The following PAM variants were observed in gnomAD, a reference collection of about 807,000 sequenced individuals.
PAM encodes peptidylglycine alpha-amidating monooxygenase.
A neutral mutation model predicts 122.1 loss-of-function variants in PAM; 72 were observed. The ratio of observed to expected loss-of-function variants is 0.59; its 90% confidence interval spans 0.49 to 0.72. The LOEUF is 0.72. Among genes scored for constraint, PAM ranks in the 30% least tolerant of loss-of-function variants. The pLI is 0.00. For synonymous variants in PAM, 389 were observed against 404.4 expected (o/e 0.96, Z 0.46); for missense variants, 1,106 against 1,183.7 (o/e 0.93, Z 0.96).
At chr5:103,010,332 C>G (rs1344349828) in intron 21 of PAM, among the ~76,000 whole-genome samples, 1 of 152,116 alleles carries the variant, frequency 6.6e-6, no homozygotes, top group Non-Finnish European at 1.5e-5. Flanking sequence ...ATAGCACTTC[C>G]TGGAATTTAT....
intron 3 of PAM, among the ~76,000 whole-genome samples, chr5:102,899,007 T>A (rs560226122): frequency 2.2e-4 from 34 of 151,636 alleles, no homozygotes; most frequent in Admixed American, 1.9e-3. Context: ...TCTAATTGTG[T>A]ATGATACTTG....
chr5:102,830,867 T>C (rs1025317629), intron 1 of PAM, among the ~76,000 whole-genome samples: 8 of 148,168 alleles, frequency 5.4e-5, no homozygotes, highest in Non-Finnish European at 1.0e-4. Context: ...ATTAGACTTC[T>C]GACTCTGTAT....
In PAM at chr5:103,022,468, A is replaced by C. The variant is rs80304381; in HGVS notation, c.2485+2625A>C. ...GATTTGTACATACATGTATATGTGCACTCACACAGGAATGTAGCTAACCTC... is the reference window on the plus strand; with the variant it reads ...GATTTGTACATACATGTATATGTGCCCTCACACAGGAATGTAGCTAACCTC... On this transcript the variant is annotated intron_variant, in intron 23 of 25. Coordinates refer to ENST00000438793, the MANE Select transcript of PAM (RefSeq NM_001177306.2). Among the ~76,000 whole-genome samples, 4 of 152,088 alleles carry C rather than the reference A, an allele frequency of 2.6e-5. 1 individual carries two copies. Among genetic ancestry groups the C allele is most frequent in the Non-Finnish European group, 5.9e-5 (4 of 68,008 alleles).
chr5:103,024,527 A>G (rs980658064), intron 23 of PAM, among the ~76,000 whole-genome samples: 1 of 152,190 alleles, frequency 6.6e-6, no homozygotes, highest in African/African-American at 2.4e-5. Context: ...TCCTAGCATT[A>G]ATGTGTGCAG....
At chr5:102,839,200 AAAGTTTATATTC>A (rs1777888322) in intron 1 of PAM, among the ~76,000 whole-genome samples, 2 of 152,180 alleles carry the variant, frequency 1.3e-5, no homozygotes, top group Admixed American at 1.3e-4. Context: ...AGGTATTTTC[AAAGTTTATATTC>A]AAGGATTCCA....
At chr5:103,025,764 A>G (rs1784777450) in intron 24 of PAM, among the ~76,000 whole-genome samples, 1 of 152,162 alleles carries the variant, frequency 6.6e-6, no homozygotes, top group Non-Finnish European at 1.5e-5. Context: ...TAGCTACATG[A>G]CCATGGGCAA....
intron 20 of PAM, among the ~76,000 whole-genome samples, chr5:103,009,079 C>A (rs1344976735): frequency 6.6e-6 from 1 of 152,024 alleles, no homozygotes; most frequent in Non-Finnish European, 1.5e-5. Flanking sequence ...GTGGTTCAAT[C>A]ATCTGAATTG....
chr5:102,847,808 A>G (rs537448994), intron 1 of PAM, among the ~76,000 whole-genome samples: 1 of 152,338 alleles, frequency 6.6e-6, no homozygotes, highest in East Asian at 1.9e-4. Flanking sequence ...AATCGGTCAG[A>G]GAACTAAAAA....
chr5:102,969,364 G>C (rs1051324550), intron 14 of PAM, among the ~76,000 whole-genome samples: 1 of 152,026 alleles, frequency 6.6e-6, no homozygotes, highest in African/African-American at 2.4e-5. Flanking sequence ...TATAACCCAG[G>C]AGTGTCCAAG....
At chr5:102,841,843 A>G (rs899336232) in intron 1 of PAM, among the ~76,000 whole-genome samples, 15 of 152,212 alleles carry the variant, frequency 9.9e-5, no homozygotes, top group Non-Finnish European at 7.3e-5. Context: ...GTCAAGAAGT[A>G]CTTATTACAA....
At position 102,872,086 on chromosome 5, in the gene PAM, G is replaced by T. The variant is rs1787708662; in HGVS notation, c.210+4693G>T. 2.0e-5 allele frequency among the ~76,000 whole-genome samples: 3 copies of T among 151,994 alleles called. No individual in the cohort carries two copies. The South Asian group carries it at 6.2e-4, about 32-fold the overall frequency. On this transcript the variant is annotated intron_variant, in intron 3 of 25. Coordinates refer to ENST00000438793, the MANE Select transcript of PAM (RefSeq NM_001177306.2). ...GTAATCATTTTCCTCCCTTATTTTG[G>T]CAGTGATGATTTGAGAACTGTGAAG...
chr5:102,919,383 A>T (rs75257619), intron 5 of PAM, among the ~76,000 whole-genome samples: 1 of 151,968 alleles, frequency 6.6e-6, no homozygotes, highest in African/African-American at 2.4e-5. Context: ...CCCAGTGATA[A>T]TGATTCTTTG....
intron 23 of PAM, among the ~76,000 whole-genome samples, chr5:103,024,283 A>G (rs2151342552): frequency 6.6e-6 from 1 of 152,274 alleles, no homozygotes; most frequent in Non-Finnish European, 1.5e-5. Context: ...ATCATTAGTT[A>G]TTAAGATCAC....
intron 1 of PAM, among the ~76,000 whole-genome samples, chr5:102,823,851 C>G (rs1435828305): frequency 6.6e-6 from 1 of 152,138 alleles, no homozygotes; most frequent in Non-Finnish European, 1.5e-5. Context: ...TTGTTATATG[C>G]AGGTCACAGA....
chr5:103,009,902 GAGA>G (rs1184233641), intron 21 of PAM, 36 bp downstream of exon 21: 2 of 1,092,666 alleles, frequency 1.8e-6, no homozygotes, highest in Non-Finnish European at 2.7e-6. Context: ...CAATTTTCAT[GAGA>G]AGAAGACTAA....
chr5:103,010,245 A>AT (rs1229251737), intron 21 of PAM, among the ~76,000 whole-genome samples: 1 of 152,204 alleles, frequency 6.6e-6, no homozygotes, highest in Non-Finnish European at 1.5e-5. Flanking sequence ...GTGTACTCTT[A>AT]AAGTTCTCTT....
chr5:102,905,984 A>G (rs1799422558), intron 4 of PAM, among the ~76,000 whole-genome samples: 1 of 151,822 alleles, frequency 6.6e-6, no homozygotes, highest in Middle Eastern at 3.4e-3. Context: ...GAGTGGATAC[A>G]GCCCATTTTT....
At chr5:102,795,218 GAAGAAA>G (rs1242503188) in intron 1 of PAM, among the ~76,000 whole-genome samples, 3 of 124,918 alleles carry the variant, frequency 2.4e-5, no homozygotes, top group African/African-American at 2.9e-5. Flanking sequence ...AAAAAGAAGA[GAAGAAA>G]AAGAAAAAGA....
chr5:102,853,598 A>C (rs536210963), intron 1 of PAM, among the ~76,000 whole-genome samples: 18 of 152,330 alleles, frequency 1.2e-4, no homozygotes, highest in African/African-American at 4.3e-4. Context: ...CTCTTTTTAG[A>C]ATTTGCTCAG....
Sources: allele counts gnomAD v4.1 joint callset (sites outside exome capture counted in the v4.1 genomes callset), GRCh38; gene constraint gnomAD v4.1.1; transcripts MANE v1.5; gene names NCBI Gene and HGNC (gene_info 2026-07-23, HGNC 2026-07-21).